SFXN2: variants seen among roughly 807,000 people sequenced by gnomAD.
SFXN2 encodes the protein sideroflexin 2.
In SFXN2, 37 loss-of-function variants were observed where a neutral mutation model predicts 41.9. The observed-to-expected ratio is 0.88, with a 90% CI of 0.68 to 1.16. SFXN2 has a LOEUF of 1.16. Ranked by LOEUF, SFXN2 falls within the 50% of genes most tolerant of loss-of-function variation. The pLI, the probability that SFXN2 is intolerant of heterozygous loss-of-function variation, is 0.00. For missense variants in SFXN2, 386 were observed against 425.2 expected (o/e 0.91, Z 0.81); for synonymous variants, 150 against 156.7 (o/e 0.96, Z 0.32).
At chr10:102,730,787 C>T (rs1564744897) in intron 6 of SFXN2, among the ~76,000 whole-genome samples, 1 of 151,986 alleles carries the variant, frequency 6.6e-6, no homozygotes. Context: ...CCCATCTCTA[C>T]TAAAAATACA....
intron 4 of SFXN2, 40 bp from the exon 5 acceptor site, chr10:102,729,279 G>A (rs200332610): frequency 1.9e-5 from 31 of 1,605,818 alleles, no homozygotes; most frequent in Admixed American, 1.8e-4. Context: ...GCCCTCAGCC[G>A]GCAGGGGCCC....
At chr10:102,726,924 G>A (rs1010110586) in intron 2 of SFXN2, 63 bp from the exon 3 acceptor site, 14 of 1,581,112 alleles carry the variant, frequency 8.9e-6, no homozygotes, top group Non-Finnish European at 1.2e-5. Context: ...AGAAGTGAGA[G>A]TGGGGAGACT....
chr10:102,717,370 C>T (rs555518917), intron 1 of SFXN2, among the ~76,000 whole-genome samples: 13 of 152,080 alleles, frequency 8.5e-5, no homozygotes, highest in Non-Finnish European at 1.8e-4. Context: ...CCTCGTGATC[C>T]GTCCGCCTCG....
At chr10:102,722,925 CTTTTT>C (rs71019608) in intron 1 of SFXN2, among the ~76,000 whole-genome samples, 1 of 53,366 alleles carries the variant, frequency 1.9e-5, no homozygotes, top group Non-Finnish European at 3.3e-5. Context: ...CAAGAAAGTC[CTTTTT>C]TTTTTTTTTT....
chr10:102,721,985 T>C (rs2064515682), intron 1 of SFXN2, among the ~76,000 whole-genome samples: 1 of 152,206 alleles, frequency 6.6e-6, no homozygotes, highest in South Asian at 2.1e-4. Context: ...CGTGGGTTCA[T>C]TTGAGCCCTA....
Position 102,731,754 on chromosome 10 carries a change from A to G in SFXN2, c.625A>G (p.Arg209Gly), listed in dbSNP as rs2064707691. Residue 209 changes from arginine (R) to glycine (G), a missense_variant, in exon 7 of 12, where the codon AGG becomes GGG. Transcript: ENST00000369893. ...ELIKGICVKD[R>G]NENEIGHSRR... ...CATAAAGGGAATCTGCGTGAAGGAC[A>G]GGAATGAAAATGAGATTGGTCATTC... The G allele has an allele frequency of 6.2e-7, 1 of 1,613,894 alleles. No individual in the cohort carries two copies. Among genetic ancestry groups the G allele is most frequent in the Non-Finnish European group, 8.5e-7 (1 of 1,179,888 alleles).
intron 4 of SFXN2, 93 bp from the exon 5 acceptor site, chr10:102,729,226 C>T (rs1409376279): frequency 9.0e-6 from 11 of 1,225,596 alleles, no homozygotes; most frequent in Admixed American, 5.4e-5. Flanking sequence ...TTTTCACGCA[C>T]GAAGCCTCGC....
chr10:102,729,569 GC>G, intron 5 of SFXN2, 153 bp from the exon 6 acceptor site: 1 of 1,104,702 alleles, frequency 9.1e-7, no homozygotes, highest in South Asian at 1.5e-5. Flanking sequence ...TTCTTCTTGG[GC>G]CTTTGAGGGA....
chr10:102,729,801 C>T lies in SFXN2; in HGVS notation c.586C>T (p.Arg196Ter). ...TAACTGTGTCAATATCCCCATGATG[C>T]GACAGCAGTGAGTAAAGGCCCCTTT... ...AANCVNIPMM[R>*]QQELIKGICV... is the part of the protein sequence containing the mutation. Residue 196 changes from arginine to a stop codon, truncating the protein, a stop_gained, in exon 6 of 12, where the codon CGA becomes TGA. Transcript: ENST00000369893. LOFTEE classifies it high-confidence loss of function. The T allele has an allele frequency of 3.1e-6, 5 of 1,613,946 alleles. No individual in the cohort carries two copies. The highest frequency in any genetic ancestry group is 1.1e-5 in the South Asian group (1 of 91,078).
In SFXN2 at chr10:102,720,247, G is replaced by A. The variant is rs543923877; in HGVS notation, c.-26+5566G>A. Among the ~76,000 whole-genome samples, 13 of 132,354 alleles carry A rather than the reference G, an allele frequency of 9.8e-5. No homozygotes were observed. The Admixed American group carries it at 1.0e-3, about 10-fold the overall frequency. 86.8% of individuals were successfully genotyped at this position (132,354 alleles called of 152,430 possible). A position where few individuals can be genotyped will look rare whatever the true frequency, so the allele number is the denominator to read the frequency against. ...GTGGACGTTGCAGTGAGCCGAGATC[G>A]CACCACTGCACTCCAGTCTGGGTGA... On this transcript the variant is annotated intron_variant, in intron 1 of 11. Transcript: ENST00000369893.
At chr10:102,728,310 A>G in intron 3 of SFXN2, 121 bp from the exon 4 acceptor site, 7 of 778,418 alleles carry the variant, frequency 9.0e-6, no homozygotes, top group South Asian at 4.5e-5. Context: ...AAAAAATAAA[A>G]ATAAAAAACT....
At chr10:102,736,175 G>T (rs1011696979) in intron 11 of SFXN2, among the ~76,000 whole-genome samples, 4 of 152,202 alleles carry the variant, frequency 2.6e-5, no homozygotes, top group African/African-American at 7.2e-5. Flanking sequence ...AAGAGAAGGT[G>T]GGGGAGCAAC....
chr10:102,719,936 G>C (rs2064481704), intron 1 of SFXN2, among the ~76,000 whole-genome samples: 1 of 152,196 alleles, frequency 6.6e-6, no homozygotes, highest in East Asian at 1.9e-4. Context: ...AGAGAGGAAA[G>C]ACTAGCTTTT....
rs756529444 is a variant in SFXN2, at chr10:102,734,854, C to A, written c.822-1008C>A. Among the ~76,000 whole-genome samples, 1 of 152,278 alleles carries A rather than the reference C, an allele frequency of 6.6e-6. No homozygotes were observed. The highest frequency in any genetic ancestry group is 1.9e-4 in the East Asian group (1 of 5,190). ...CCCAAACCCTGGTCCATGCCAGCATCGTTGGCATCCTCTGATAACTTGTTA... is the reference window on the plus strand; with the variant it reads ...CCCAAACCCTGGTCCATGCCAGCATAGTTGGCATCCTCTGATAACTTGTTA... On this transcript the variant is annotated intron_variant, in intron 10 of 11. Coordinates refer to ENST00000369893, the MANE Select transcript of SFXN2 (RefSeq NM_178858.6). This position sits in a 1 kb window ranked among gnomAD's most constrained non-coding sequence, Gnocchi z 4.1.
intron 6 of SFXN2, 125 bp from the exon 7 acceptor site, chr10:102,731,598 G>A: frequency 1.4e-6 from 1 of 733,104 alleles, no homozygotes. Context: ...AAGGTCAAAG[G>A]CCCAGGCTAC....
chr10:102,735,978 T>C (rs1430467985), intron 11 of SFXN2, 69 bp downstream of exon 11: 17 of 1,460,044 alleles, frequency 1.2e-5, no homozygotes, highest in Non-Finnish European at 1.5e-5. Flanking sequence ...ATCTGCCTGC[T>C]GTCCAGAAGG....
chr10:102,737,854 A>T lies in SFXN2; in HGVS notation c.*92A>T. 1 of 888,554 alleles carries T rather than the reference A, an allele frequency of 1.1e-6. No individual in the cohort carries two copies. Among genetic ancestry groups the T allele is most frequent in the Non-Finnish European group, 1.8e-6 (1 of 561,862 alleles). 55.0% of individuals were successfully genotyped at this position (888,554 alleles called of 1,614,324 possible). A position where few individuals can be genotyped will look rare whatever the true frequency, so the allele number is the denominator to read the frequency against. ...CTTGTGTCCTCCTTCCCCTTTGCCA[A>T]CAAGGCCTGAAGGCCAGGGTAGATT... On this transcript the variant is annotated 3_prime_UTR_variant, in exon 12 of 12. Transcript: ENST00000369893.
chr10:102,720,372 G>T (rs925768857), intron 1 of SFXN2, among the ~76,000 whole-genome samples: 1 of 151,422 alleles, frequency 6.6e-6, no homozygotes. Flanking sequence ...CACTTTGGGA[G>T]GCTGAGGCAG....
chr10:102,728,954 G>A (rs1564743737), intron 4 of SFXN2, among the ~76,000 whole-genome samples: 2 of 152,092 alleles, frequency 1.3e-5, no homozygotes, highest in Non-Finnish European at 2.9e-5. Flanking sequence ...GCAGAGAACA[G>A]CAGAGCGGTG....
Sources: allele counts gnomAD v4.1 joint callset (sites outside exome capture counted in the v4.1 genomes callset), GRCh38; gene constraint gnomAD v4.1.1; non-coding constraint Gnocchi (gnomAD v3.1); transcripts MANE v1.5; gene names NCBI Gene and HGNC (gene_info 2026-07-23, HGNC 2026-07-21).